Variants in UBE3C observed in about 807,000 individuals in gnomAD.
UBE3C encodes the protein ubiquitin-protein ligase E3C.
Under a neutral mutation model 129.4 loss-of-function variants are expected in UBE3C, and 42 were observed. The ratio of observed to expected loss-of-function variants is 0.32; its 90% CI spans 0.25 to 0.42. The LOEUF (loss-of-function observed/expected upper bound fraction) is 0.42. Ranked by LOEUF, UBE3C falls within the 10% of genes least tolerant of loss-of-function variation. The pLI is 1.00. For synonymous variants in UBE3C, 510 were observed against 492.4 expected (o/e 1.04, Z -0.47); for missense variants, 1,049 against 1,319.1 (o/e 0.80, Z 3.17).
In UBE3C at chr7:157,258,953, G is replaced by A. The variant is rs936778846; in HGVS notation, c.3081+1909G>A. Reference sequence around the variant, plus strand: ...TTCTTTCCTGAATCATTTGAGAATAGGTTGAAGACATGAGGTCTTCCCTAA... The same window carrying A: ...TTCTTTCCTGAATCATTTGAGAATAAGTTGAAGACATGAGGTCTTCCCTAA... On this transcript the variant is annotated intron_variant, in intron 22 of 22. Transcript: ENST00000348165. Among the ~76,000 whole-genome samples, 30 of 152,292 alleles carry A rather than the reference G, an allele frequency of 2.0e-4. 1 individual carries two copies. The highest frequency in any genetic ancestry group is 1.2e-3 in the South Asian group (6 of 4,828).
At chr7:157,228,530 T>C (rs374344372) in intron 17 of UBE3C, among the ~76,000 whole-genome samples, 2 of 152,226 alleles carry the variant, frequency 1.3e-5, no homozygotes, top group East Asian at 1.9e-4. Context: ...GTTACTTTTA[T>C]TTTATTTCAT....
At chr7:157,247,633 A>G (rs1182467626) in intron 18 of UBE3C, among the ~76,000 whole-genome samples, 3 of 152,158 alleles carry the variant, frequency 2.0e-5, no homozygotes, top group African/African-American at 7.2e-5. Context: ...CGGAGGTTGC[A>G]GTGAGCTGAG....
intron 2 of UBE3C, among the ~76,000 whole-genome samples, chr7:157,166,933 G>A (rs540433243): frequency 5.2e-5 from 7 of 135,160 alleles, no homozygotes; most frequent in Non-Finnish European, 6.1e-5. Context: ...GGTGGTGGTG[G>A]TGGTGGTGGT....
chr7:157,235,122 G>A (rs949404241), intron 18 of UBE3C, among the ~76,000 whole-genome samples: 7 of 152,088 alleles, frequency 4.6e-5, no homozygotes, highest in African/African-American at 1.2e-4. Context: ...ACCTGGAGGC[G>A]GAGGTTGTGG....
At chr7:157,187,918 C>G (rs933991670) in intron 10 of UBE3C, among the ~76,000 whole-genome samples, 2 of 152,054 alleles carry the variant, frequency 1.3e-5, no homozygotes, top group Non-Finnish European at 2.9e-5. Flanking sequence ...ACAATTTATC[C>G]CTAAAAGTAA....
intron 22 of UBE3C, among the ~76,000 whole-genome samples, chr7:157,260,689 A>G (rs1371643496): frequency 6.6e-6 from 1 of 152,238 alleles, no homozygotes; most frequent in African/African-American, 2.4e-5. Flanking sequence ...AAAATTATGC[A>G]TCTCATCTAG....
intron 11 of UBE3C, among the ~76,000 whole-genome samples, chr7:157,203,434 G>A (rs1809346534): frequency 6.6e-6 from 1 of 152,124 alleles, no homozygotes; most frequent in Non-Finnish European, 1.5e-5. Flanking sequence ...AGCCACTTCT[G>A]ACTACGCCAG....
chr7:157,248,727 A>G, intron 19 of UBE3C, 147 bp downstream of exon 19: 2 of 813,772 alleles, frequency 2.5e-6, no homozygotes, highest in Non-Finnish European at 3.9e-6. Context: ...CGAAGCATAT[A>G]GCTCCAAAGC....
Position 157,139,178 on chromosome 7 carries a change from C to G in UBE3C, c.-95C>G, listed in dbSNP as rs551763590. ...CGCGTCCTCGCTGCCCCGGGCCGGGCGGGCGGGCGCCGAGAGCCTCCCAGC... is the reference window on the plus strand; with the variant it reads ...CGCGTCCTCGCTGCCCCGGGCCGGGGGGGCGGGCGCCGAGAGCCTCCCAGC... On this transcript the variant is annotated 5_prime_UTR_variant, in exon 1 of 23. Transcript: ENST00000348165. 0.018 allele frequency: 16,216 copies of G among 910,630 alleles called. 162 individuals carry two copies. The highest frequency in any genetic ancestry group is 0.022 in the Middle Eastern group (46 of 2,120). 56.4% of individuals were successfully genotyped at this position (910,630 alleles called of 1,614,324 possible).
chr7:157,214,278 T>C (rs1282154167), intron 13 of UBE3C, among the ~76,000 whole-genome samples: 1 of 152,218 alleles, frequency 6.6e-6, no homozygotes, highest in Non-Finnish European at 1.5e-5. Context: ...TAGAAGAATG[T>C]AAATGAGAAC....
intron 18 of UBE3C, among the ~76,000 whole-genome samples, chr7:157,240,943 A>G (rs1055209956): frequency 2.0e-5 from 3 of 152,210 alleles, no homozygotes; most frequent in Admixed American, 1.3e-4. Flanking sequence ...TTGGACTCTC[A>G]GGAGCTAAAA....
In UBE3C at chr7:157,175,045, A is replaced by G; in HGVS notation, c.458+11A>G. 5 of 1,596,418 alleles carry G rather than the reference A, an allele frequency of 3.1e-6. No homozygotes were observed. Among genetic ancestry groups the G allele is most frequent in the Non-Finnish European group, 4.3e-6 (5 of 1,169,546 alleles). On this transcript the variant is annotated intron_variant, in intron 5 of 22. Coordinates refer to ENST00000348165, the MANE Select transcript of UBE3C (RefSeq NM_014671.3). ...GAGCCTCTGTTGCAGGTAAAATTCT[A>G]TTGTAAGTCAGTAACGTATATAATG...
chr7:157,170,245 T>C, intron 3 of UBE3C, 59 bp from the exon 4 acceptor site: 1 of 1,339,826 alleles, frequency 7.5e-7, no homozygotes. Context: ...ATTTACATCA[T>C]AAGAATTGTG....
chr7:157,169,347 A>G (rs1413172240), intron 3 of UBE3C, among the ~76,000 whole-genome samples: 1 of 152,064 alleles, frequency 6.6e-6, no homozygotes, highest in Non-Finnish European at 1.5e-5. Flanking sequence ...GTTGAAAATC[A>G]AAATAGAAGG....
chr7:157,231,687 G>C (rs1796026112), intron 18 of UBE3C: 3 of 274,780 alleles, frequency 1.1e-5, no homozygotes, highest in African/African-American at 4.5e-5. Context: ...GTGATGCCCT[G>C]TGCCGCCTCC....
Position 157,211,167 on chromosome 7 carries a change from GGA to G in UBE3C, c.1809+3258_1809+3259del, listed in dbSNP as rs3039783. On this transcript the variant is annotated intron_variant, in intron 13 of 22. Coordinates refer to ENST00000348165, the MANE Select transcript of UBE3C (RefSeq NM_014671.3). The stretch of plus-strand genomic sequence containing the variant: ...CCATGCCCTCATTATCCATATGTCT[GGA>G]GAGAGAGAGAGAGAGAGAGAGAGAG... Among the ~76,000 whole-genome samples the G allele has an allele frequency of 4.9e-4, 67 of 136,914 alleles. 1 individual carries two copies. Among genetic ancestry groups the G allele is most frequent in the Middle Eastern group, 3.7e-3 (1 of 268 alleles). 89.8% of individuals were successfully genotyped at this position (136,914 alleles called of 152,430 possible). A position where few individuals can be genotyped will look rare whatever the true frequency, so the allele number is the denominator to read the frequency against.
At chr7:157,160,105 C>T (rs1408253706) in intron 1 of UBE3C, among the ~76,000 whole-genome samples, 6 of 149,754 alleles carry the variant, frequency 4.0e-5, no homozygotes, top group South Asian at 2.1e-4. Context: ...GATGGAGTCT[C>T]GTTCTATCAC....
At chr7:157,224,814 CCACTCACT>C (rs1217758054) in intron 16 of UBE3C, among the ~76,000 whole-genome samples, 11 of 147,796 alleles carry the variant, frequency 7.4e-5, no homozygotes, top group Admixed American at 2.7e-4. Context: ...TCTCTCTCTC[CCACTCACT>C]CACTCACTCA....
At position 157,241,040 on chromosome 7, in the gene UBE3C, C is replaced by T. The variant is rs113993803; in HGVS notation, c.2482-7328C>T. ...TGAGATTGAAAGCCAGGGATTTTAGCGGGAGGGAAGGGAAGGATGGTCTGG... is the reference window on the plus strand; with the variant it reads ...TGAGATTGAAAGCCAGGGATTTTAGTGGGAGGGAAGGGAAGGATGGTCTGG... On this transcript the variant is annotated intron_variant, in intron 18 of 22. Coordinates refer to ENST00000348165, the MANE Select transcript of UBE3C (RefSeq NM_014671.3). Among the ~76,000 whole-genome samples, 158 of 152,114 alleles carry T rather than the reference C, an allele frequency of 1.0e-3. 1 individual carries two copies. The highest frequency in any genetic ancestry group is 3.3e-3 in the African/African-American group (138 of 41,508).
Sources: allele counts gnomAD v4.1 joint callset (sites outside exome capture counted in the v4.1 genomes callset), GRCh38; gene constraint gnomAD v4.1.1; transcripts MANE v1.5; gene names NCBI Gene and HGNC (gene_info 2026-07-23, HGNC 2026-07-21).